ANKRD46: variants seen among roughly 807,000 people sequenced by gnomAD.
The protein encoded by ANKRD46 is ankyrin repeat domain 46.
Under a neutral mutation model 19.8 loss-of-function variants are expected in ANKRD46, and 13 were observed. The observed-to-expected ratio is 0.66, with a 90% CI of 0.43 to 1.04. ANKRD46 has a LOEUF of 1.04. Ranked by LOEUF, ANKRD46 falls within the 50% of genes least tolerant of loss-of-function variation. The pLI, the probability that ANKRD46 is intolerant of heterozygous loss-of-function variation, is 0.00. For synonymous variants in ANKRD46, 91 were observed against 106.9 expected (o/e 0.85, Z 0.92); for missense variants, 185 against 274.8 (o/e 0.67, Z 2.31).
chr8:100,556,740 TACTTG>T (rs769511372), intron 1 of ANKRD46: 2 of 152,230 alleles, frequency 1.3e-5, no homozygotes, highest in Non-Finnish European at 2.9e-5. Flanking sequence ...GTCTTCATCT[TACTTG>T]ACTTGTCAAT....
rs1355266085 is a variant in ANKRD46 at position 100,546,015 on chromosome 8, CA to C, written c.-130-12705del. ...TGGCCTTGATTTTTCTCAAAGTGAA[CA>C]AATGTGTTCACGAAGAGATAATCTG... On this transcript the variant is annotated intron_variant, in intron 1 of 4. Transcript: ENST00000335659. This position sits in a 1 kb window ranked among gnomAD's most constrained non-coding sequence, Gnocchi z 4.0. 6.6e-6 allele frequency among the ~76,000 whole-genome samples: 1 copy of C among 152,128 alleles called. No individual in the cohort carries two copies. Among genetic ancestry groups the C allele is most frequent in the Non-Finnish European group, 1.5e-5 (1 of 68,020 alleles).
chr8:100,555,015 CA>C (rs199686994), intron 1 of ANKRD46, among the ~76,000 whole-genome samples: 10,271 of 105,644 alleles, frequency 0.097, 489 homozygotes, highest in East Asian at 0.18. Flanking sequence ...ACTCCATCTC[CA>C]AAAAAAAAAA....
At position 100,536,646 on chromosome 8, in the gene ANKRD46, G is replaced by C. The variant is rs917295471; in HGVS notation, c.-130-3335C>G. ...CCAGGAAAGAAAAATAAAAGAACTG[G>C]TTCCTGGCAGAGGAAAAACCACATA... On this transcript the variant is annotated intron_variant, in intron 1 of 4. Coordinates refer to ENST00000335659, the MANE Select transcript of ANKRD46 (RefSeq NM_001270377.2). This position sits in a 1 kb window ranked among gnomAD's most constrained non-coding sequence, Gnocchi z 4.9. Among the ~76,000 whole-genome samples, 1 of 152,104 alleles carries C rather than the reference G, an allele frequency of 6.6e-6. No individual in the cohort carries two copies. Among genetic ancestry groups the C allele is most frequent in the East Asian group, 1.9e-4 (1 of 5,188 alleles).
At chr8:100,555,465 T>C (rs533781598) in intron 1 of ANKRD46, among the ~76,000 whole-genome samples, 4 of 148,484 alleles carry the variant, frequency 2.7e-5, no homozygotes, top group African/African-American at 9.9e-5. Flanking sequence ...AAAACAGTAT[T>C]AAAGAGGACT....
At position 100,511,973 on chromosome 8, in the gene ANKRD46, C is replaced by T. The variant is rs374009943; in HGVS notation, c.637-1334G>A. On this transcript the variant is annotated intron_variant, in intron 5 of 5. Transcript: ENST00000520552. The surrounding 1 kb of genome is among the most constrained non-coding windows in gnomAD (Gnocchi z 4.1). Reference sequence around the variant, plus strand: ...CCAGGTGGCGGAGGCTGCGGTGAGCCGAGATTGTGCCACTGCACTTCAGCC... The same window carrying T: ...CCAGGTGGCGGAGGCTGCGGTGAGCTGAGATTGTGCCACTGCACTTCAGCC... Among the ~76,000 whole-genome samples the T allele has an allele frequency of 4.9e-4, 74 of 152,208 alleles. 2 individuals are homozygous for T. In the East Asian group the frequency reaches 0.013, roughly 27 times the overall value.
At chr8:100,528,278 C>T (rs1811883317) in intron 3 of ANKRD46, among the ~76,000 whole-genome samples, 1 of 152,194 alleles carries the variant, frequency 6.6e-6, no homozygotes, top group African/African-American at 2.4e-5. Context: ...ATCCTGTTAA[C>T]CAAACACGTC....
At chr8:100,516,178 T>C (rs1007762037), downstream of ANKRD46, among the ~76,000 whole-genome samples, 2 of 152,176 alleles carry the variant, frequency 1.3e-5, no homozygotes, top group Non-Finnish European at 2.9e-5. Context: ...CAGTAACTTG[T>C]TAATGTTCAT....
chr8:100,523,196 G>A (rs1252327194), intron 4 of ANKRD46, among the ~76,000 whole-genome samples: 1 of 151,622 alleles, frequency 6.6e-6, no homozygotes, highest in East Asian at 1.9e-4. Flanking sequence ...CAGAAGTCTT[G>A]AAATAGGTTA....
downstream of ANKRD46, among the ~76,000 whole-genome samples, chr8:100,518,255 A>G (rs1288151499): frequency 1.3e-5 from 2 of 152,224 alleles, no homozygotes; most frequent in East Asian, 3.8e-4. Context: ...ACAACTGTCA[A>G]AATCAATAAA....
At position 100,522,371 on chromosome 8, in the gene ANKRD46, G is replaced by C; in HGVS notation, c.*184C>G. 7.1e-7 allele frequency: 1 copy of C among 1,418,246 alleles called. No homozygotes were observed. The highest frequency in any genetic ancestry group is 1.5e-5 in the South Asian group (1 of 64,560). The allele number at this position is 1,418,246 out of a possible 1,614,324, so 87.9% of individuals were successfully genotyped here. ...GGTAGCGTTAGGATGCAATATACTTGATCATAGTATGTAGTTAGTTCAAAT... is the reference window on the plus strand; with the variant it reads ...GGTAGCGTTAGGATGCAATATACTTCATCATAGTATGTAGTTAGTTCAAAT... On this transcript the variant is annotated 3_prime_UTR_variant, in exon 5 of 5. Transcript: ENST00000335659.
chr8:100,521,719 A>G lies in ANKRD46; in HGVS notation c.*836T>C. On this transcript the variant is annotated 3_prime_UTR_variant, in exon 5 of 5. Coordinates refer to ENST00000335659, the MANE Select transcript of ANKRD46 (RefSeq NM_001270377.2). ...CTGAGTTTTTCACTATAATAGCACT[A>G]CAGAATTATGACAGTTAAATATCAG... 1 of 985,382 alleles carries G rather than the reference A, an allele frequency of 1.0e-6. No homozygotes were observed. The highest frequency in any genetic ancestry group is 1.7e-5 in the African/African-American group (1 of 57,374). The allele number at this position is 985,382 out of a possible 1,614,324, so 61.0% of individuals were successfully genotyped here.
chr8:100,517,484 G>A (rs1415581687), downstream of ANKRD46, among the ~76,000 whole-genome samples: 1 of 152,212 alleles, frequency 6.6e-6, no homozygotes, highest in African/African-American at 2.4e-5. Flanking sequence ...TTTAATGAGT[G>A]TTGGGTAGCA....
chr8:100,514,809 T>C (rs1269677814), intron 5 of ANKRD46, among the ~76,000 whole-genome samples: 1 of 151,886 alleles, frequency 6.6e-6, no homozygotes, highest in Non-Finnish European at 1.5e-5. Flanking sequence ...CCGGCTAATT[T>C]TTGTATTTTT....
In ANKRD46 at chr8:100,529,975, A is replaced by G; in HGVS notation, c.-27-115T>C. On this transcript the variant is annotated intron_variant, in intron 2 of 4. Coordinates refer to ENST00000335659, the MANE Select transcript of ANKRD46 (RefSeq NM_001270377.2). This position sits in a 1 kb window ranked among gnomAD's most constrained non-coding sequence, Gnocchi z 5.8. ...TTGGCCTCCTGCCTCTAATAAATAA[A>G]TGACCAAACAGAAACAACAACAAAG... is the stretch of plus-strand genomic sequence containing the variant. 1.5e-6 allele frequency: 1 copy of G among 684,488 alleles called. No individual in the cohort carries two copies. The highest frequency in any genetic ancestry group is 2.8e-5 in the East Asian group (1 of 35,964). 42.4% of individuals were successfully genotyped at this position (684,488 alleles called of 1,614,324 possible).
rs1048073748 is a variant in ANKRD46, at chr8:100,544,686, T to A, written c.-130-11375A>T. On this transcript the variant is annotated intron_variant, in intron 1 of 4. Transcript: ENST00000335659. The surrounding 1 kb of genome is among the most constrained non-coding windows in gnomAD (Gnocchi z 4.4). ...TAGTCCAACTCTAAGAGTCCCAGTT[T>A]CCTCATTTGCAAAACTGAGATAATA... 6.6e-6 allele frequency among the ~76,000 whole-genome samples: 1 copy of A among 152,206 alleles called. No individual in the cohort carries two copies. The highest frequency in any genetic ancestry group is 2.1e-4 in the South Asian group (1 of 4,822).
At chr8:100,530,718 T>C (rs1015793564) in intron 2 of ANKRD46, among the ~76,000 whole-genome samples, 3 of 152,166 alleles carry the variant, frequency 2.0e-5, no homozygotes, top group African/African-American at 7.2e-5. Flanking sequence ...GGCTAAGGAA[T>C]GTAACAAACT....
chr8:100,533,091 C>G (rs955050776), intron 2 of ANKRD46, 118 bp downstream of exon 2: 31 of 152,324 alleles, frequency 2.0e-4, no homozygotes, highest in Admixed American at 5.2e-4. Context: ...CTTAATCCCA[C>G]ATTTAATAAG....
chr8:100,535,374 A>C (rs979917108), intron 1 of ANKRD46, among the ~76,000 whole-genome samples: 4 of 152,252 alleles, frequency 2.6e-5, no homozygotes, highest in African/African-American at 9.6e-5. Context: ...AGTTGTAAGA[A>C]ATAACACAGA....
Position 100,554,738 on chromosome 8 carries a change from G to GA in ANKRD46, c.-131+4972dup, listed in dbSNP as rs76067732. ...AAACCCTGTCTCAAAAAAACACAAG[G>GA]AAAAAAAAAGTACTTAGCCAGGTGC... On this transcript the variant is annotated intron_variant, in intron 1 of 4. Coordinates refer to ENST00000335659, the MANE Select transcript of ANKRD46 (RefSeq NM_001270377.2). 2.0e-3 allele frequency: 295 copies of GA among 147,516 alleles called. 2 individuals carry two copies. Among genetic ancestry groups the GA allele is most frequent in the Non-Finnish European group, 3.6e-3 (241 of 66,766 alleles). The allele number at this position is 147,516 out of a possible 1,614,324, so 9.1% of individuals were successfully genotyped here.
Sources: allele counts gnomAD v4.1 joint callset (sites outside exome capture counted in the v4.1 genomes callset), GRCh38; gene constraint gnomAD v4.1.1; non-coding constraint Gnocchi (gnomAD v3.1); transcripts MANE v1.5; gene names NCBI Gene and HGNC (gene_info 2026-07-23, HGNC 2026-07-21).